The following DLGAP2 variants were observed in gnomAD, a reference collection of about 807,000 sequenced individuals.
DLGAP2 encodes the protein disks large-associated protein 2.
A neutral mutation model predicts 100.3 loss-of-function variants in DLGAP2; 26 were observed. The ratio of observed to expected loss-of-function variants is 0.26; its 90% CI spans 0.19 to 0.36. DLGAP2 has a LOEUF of 0.36. Among genes scored for constraint, DLGAP2 ranks in the 10% least tolerant of loss-of-function variants. DLGAP2 has a pLI of 1.00. For synonymous variants in DLGAP2, 886 were observed against 630.1 expected, an observed-to-expected ratio of 1.41 and a Z score of -6.08; for missense variants, 1,858 against 1,453.2, an observed-to-expected ratio of 1.28 and a Z score of -4.53.
intron 3 of DLGAP2, among the ~76,000 whole-genome samples, chr8:1,266,798 C>G (rs532001294): frequency 1.3e-5 from 2 of 151,906 alleles, no homozygotes; most frequent in Non-Finnish European, 2.9e-5. Flanking sequence ...AGAAAGCTAT[C>G]GAGGAATACT....
chr8:953,106 A>G (rs966128398), intron 2 of DLGAP2, among the ~76,000 whole-genome samples: 14 of 152,306 alleles, frequency 9.2e-5, no homozygotes, highest in African/African-American at 1.2e-4. Context: ...ATCACTACCA[A>G]TTTCATCAGA....
intron 1 of DLGAP2, among the ~76,000 whole-genome samples, chr8:870,909 CTCTGT>C (rs1797584734): frequency 6.6e-6 from 1 of 152,162 alleles, no homozygotes; most frequent in South Asian, 2.1e-4. Context: ...CTCAGCAGGT[CTCTGT>C]GACCATCCTG....
At chr8:1,578,540 C>T (rs1803088787) in intron 6 of DLGAP2, among the ~76,000 whole-genome samples, 1 of 152,160 alleles carries the variant, frequency 6.6e-6, no homozygotes, top group South Asian at 2.1e-4. Context: ...CAGAGCAGAG[C>T]ACTCCTGCAA....
At chr8:1,455,893 C>T (rs1040525383) in intron 3 of DLGAP2, among the ~76,000 whole-genome samples, 2 of 152,224 alleles carry the variant, frequency 1.3e-5, no homozygotes, top group African/African-American at 4.8e-5. Context: ...ACTGTCTCGG[C>T]CTCTGCCCGG....
At chr8:1,167,859 G>A (rs868662072) in intron 2 of DLGAP2, among the ~76,000 whole-genome samples, 9 of 152,014 alleles carry the variant, frequency 5.9e-5, no homozygotes, top group East Asian at 5.8e-4. Context: ...AGACAGACAC[G>A]TTAGCAAGTA....
intron 12 of DLGAP2, among the ~76,000 whole-genome samples, chr8:1,685,463 T>C (rs923681467): frequency 4.6e-5 from 7 of 152,182 alleles, no homozygotes; most frequent in African/African-American, 1.4e-4. Context: ...TCCTGGGAGA[T>C]GCAGGTCATA....
intron 3 of DLGAP2, among the ~76,000 whole-genome samples, chr8:1,292,859 C>G (rs763605264): frequency 6.6e-6 from 1 of 152,140 alleles, no homozygotes; most frequent in East Asian, 1.9e-4. Flanking sequence ...CAAGCCTACG[C>G]TGCCTCCTCC....
intron 2 of DLGAP2, among the ~76,000 whole-genome samples, chr8:978,759 A>C (rs767480715): frequency 1.3e-5 from 2 of 152,124 alleles, no homozygotes; most frequent in Non-Finnish European, 2.9e-5. Flanking sequence ...AGGCATTTCA[A>C]TGGTGGGATT....
rs56109204 is a variant in DLGAP2, at chr8:906,968, G to A, written c.19-944G>A. The stretch of plus-strand genomic sequence containing the variant: ...ATAGAAGAATTGGCGGGGAGAGGGG[G>A]GATGGAGGAGAAGGGAGTGGTTATT... On this transcript the variant is annotated intron_variant, in intron 1 of 14. Transcript: ENST00000637795. 8.6e-3 allele frequency among the ~76,000 whole-genome samples: 1,307 copies of A among 152,260 alleles called. 6 individuals are homozygous for A. The highest frequency in any genetic ancestry group is 0.012 in the Non-Finnish European group (786 of 68,022).
At chr8:1,132,650 A>T (rs185077433) in intron 2 of DLGAP2, among the ~76,000 whole-genome samples, 30 of 152,342 alleles carry the variant, frequency 2.0e-4, no homozygotes, top group Admixed American at 1.7e-3. Flanking sequence ...GAAGGCGTTT[A>T]CTGGAGAGCA....
intron 2 of DLGAP2, among the ~76,000 whole-genome samples, chr8:947,403 C>T (rs1341318612): frequency 3.9e-5 from 6 of 152,350 alleles, no homozygotes; most frequent in Admixed American, 6.5e-5. Context: ...TTTCATGTTG[C>T]GCTGGCCTTG....
intron 3 of DLGAP2, among the ~76,000 whole-genome samples, chr8:1,350,983 C>T (rs796680165): frequency 7.5e-3 from 102 of 13,662 alleles, no homozygotes; most frequent in African/African-American, 0.015. Flanking sequence ...CCTGAGTGTG[C>T]GTGGAAAGGC....
At chr8:1,380,854 A>G (rs1184417606) in intron 3 of DLGAP2, among the ~76,000 whole-genome samples, 1 of 151,226 alleles carries the variant, frequency 6.6e-6, no homozygotes, top group Non-Finnish European at 1.5e-5. Flanking sequence ...ACTTAAGAAA[A>G]TAAAGCCATA....
At chr8:764,334 A>G (rs1821156230) in intron 1 of DLGAP2, among the ~76,000 whole-genome samples, 4 of 152,210 alleles carry the variant, frequency 2.6e-5, no homozygotes, top group African/African-American at 9.6e-5. Context: ...AATCTTTTTA[A>G]ACCTTTACTC....
intron 8 of DLGAP2, among the ~76,000 whole-genome samples, chr8:1,665,447 A>C (rs538205996): frequency 1.3e-5 from 2 of 152,356 alleles, no homozygotes; most frequent in South Asian, 4.1e-4. Flanking sequence ...GCCATCGTTC[A>C]CTGCTTAGGT....
At chr8:1,586,987 G>C (rs990820003) in intron 6 of DLGAP2, among the ~76,000 whole-genome samples, 1 of 152,158 alleles carries the variant, frequency 6.6e-6, no homozygotes, top group African/African-American at 2.4e-5. Flanking sequence ...CTAATGGGCT[G>C]ATTATACCCA....
intron 2 of DLGAP2, among the ~76,000 whole-genome samples, chr8:1,056,027 T>C (rs1318727487): frequency 6.6e-6 from 1 of 151,904 alleles, no homozygotes; most frequent in East Asian, 1.9e-4. Context: ...GCTCAGGGAG[T>C]TGAGAGCAGA....
At chr8:792,587 A>G (rs1795936880) in intron 1 of DLGAP2, among the ~76,000 whole-genome samples, 1 of 152,222 alleles carries the variant, frequency 6.6e-6, no homozygotes, top group South Asian at 2.1e-4. Context: ...GTGAAGTAGA[A>G]GGTTCATTCG....
At chr8:747,300 A>G (rs1820640292) in intron 1 of DLGAP2, among the ~76,000 whole-genome samples, 1 of 152,122 alleles carries the variant, frequency 6.6e-6, no homozygotes, top group South Asian at 2.1e-4. Context: ...TAAAGCAGAC[A>G]GGGAAGGAGA....
Sources: gnomAD v4.1 joint callset for allele counts (sites outside exome capture counted in the v4.1 genomes callset) on GRCh38, gnomAD v4.1.1 for gene constraint, MANE v1.5 for transcripts, NCBI Gene and HGNC (gene_info 2026-07-23, HGNC 2026-07-21) for gene names.